COPS4: variants seen among roughly 807,000 people sequenced by gnomAD.
The protein encoded by COPS4 is COP9 signalosome complex subunit 4.
COPS4 carries 8 observed loss-of-function variants against 55.1 expected under a neutral mutation model. That is an observed-to-expected ratio of 0.15 (90% CI 0.09 to 0.26). The LOEUF (loss-of-function observed/expected upper bound fraction) is 0.26. COPS4 is among the 10% of genes least tolerant of loss of function. The probability of loss-of-function intolerance (pLI) is 1.00; values close to 1 mark genes in which losing one functional copy is unlikely to be tolerated. For missense variants in COPS4, 248 were observed against 484.0 expected, an observed-to-expected ratio of 0.51 and a Z score of 4.58; for synonymous variants, 185 against 165.7, an observed-to-expected ratio of 1.12 and a Z score of -0.90.
intron 4 of COPS4, among the ~76,000 whole-genome samples, chr4:83,050,877 A>G (rs1482930040): frequency 6.6e-6 from 1 of 152,102 alleles, no homozygotes; most frequent in Non-Finnish European, 1.5e-5. Flanking sequence ...CAGTGAAATG[A>G]TCTGACTTCT....
intron 4 of COPS4, among the ~76,000 whole-genome samples, chr4:83,055,926 CTTTTTCT>C (rs1731001814): frequency 3.7e-5 from 4 of 108,924 alleles, no homozygotes; most frequent in Admixed American, 1.4e-4. Flanking sequence ...TCTTTTTTTT[CTTTTTCT>C]TTTTTTTTTT....
chr4:83,059,278 T>C (rs920500108), intron 6 of COPS4, among the ~76,000 whole-genome samples: 2 of 152,164 alleles, frequency 1.3e-5, no homozygotes, highest in South Asian at 4.1e-4. Context: ...TATTAATCTT[T>C]CTTTAATGGC....
intron 2 of COPS4, 49 bp downstream of exon 2, chr4:83,045,754 C>A: frequency 2.5e-6 from 3 of 1,211,958 alleles, no homozygotes; most frequent in Non-Finnish European, 3.6e-6. Flanking sequence ...TGAGCTAGGA[C>A]TTTAAAGTTC....
At chr4:83,074,819 T>C (rs1731530899) in intron 9 of COPS4, among the ~76,000 whole-genome samples, 1 of 151,876 alleles carries the variant, frequency 6.6e-6, no homozygotes, top group South Asian at 2.1e-4. Context: ...GTTTTAGACT[T>C]TTAAAAGCTA....
chr4:83,063,003 A>G (rs1286400649), intron 6 of COPS4, 73 bp from the exon 7 acceptor site: 6 of 1,326,858 alleles, frequency 4.5e-6, no homozygotes, highest in Non-Finnish European at 6.1e-6. Context: ...AGGTCATAAG[A>G]TAGGTTTTTT....
intron 1 of COPS4, among the ~76,000 whole-genome samples, chr4:83,038,110 C>T (rs958950623): frequency 6.6e-6 from 1 of 152,324 alleles, no homozygotes; most frequent in East Asian, 1.9e-4. Context: ...AGAGCCACAA[C>T]GGAGGATAGA....
intron 4 of COPS4, among the ~76,000 whole-genome samples, chr4:83,055,325 A>G (rs1267033864): frequency 6.6e-6 from 1 of 152,204 alleles, no homozygotes; most frequent in Non-Finnish European, 1.5e-5. Context: ...GATAATTGCT[A>G]TTAGTATTTT....
intron 1 of COPS4, among the ~76,000 whole-genome samples, chr4:83,043,531 A>AC (rs1355626000): frequency 2.7e-5 from 4 of 149,890 alleles, no homozygotes; most frequent in Non-Finnish European, 5.9e-5. Flanking sequence ...AAAAAAAAAA[A>AC]AAAAAAAAAA....
chr4:83,069,943 T>G (rs1447982193), intron 9 of COPS4, among the ~76,000 whole-genome samples: 1 of 152,168 alleles, frequency 6.6e-6, no homozygotes, highest in Non-Finnish European at 1.5e-5. Flanking sequence ...ATTTTATCCT[T>G]TTTTTCCTAC....
chr4:83,057,981 AAAG>A (rs1731058269), intron 6 of COPS4, among the ~76,000 whole-genome samples: 2 of 151,584 alleles, frequency 1.3e-5, no homozygotes. Context: ...AAATTTCACT[AAAG>A]AAGTGGATAT....
At chr4:83,039,811 T>G (rs1005437259) in intron 1 of COPS4, among the ~76,000 whole-genome samples, 11 of 152,302 alleles carry the variant, frequency 7.2e-5, no homozygotes, top group Admixed American at 7.2e-4. Context: ...TAAAAACATT[T>G]TTTTTGGTAC....
chr4:83,064,869 C>CTTTTTTTTTTTTTTTT (rs140166684), intron 7 of COPS4, among the ~76,000 whole-genome samples: 6 of 73,628 alleles, frequency 8.1e-5, no homozygotes, highest in African/African-American at 2.4e-4. Flanking sequence ...TAAGCAGTCC[C>CTTTTTTTTTTTTTTTT]TTTTTTTTTT....
chr4:83,049,142 AT>A, intron 2 of COPS4, 23 bp from the exon 3 acceptor site: 2 of 1,519,060 alleles, frequency 1.3e-6, no homozygotes, highest in Non-Finnish European at 1.8e-6. Context: ...ATGTTTTCTT[AT>A]CTTTTTTTTT....
chr4:83,051,728 C>T (rs1193917091), intron 4 of COPS4, among the ~76,000 whole-genome samples: 5 of 152,082 alleles, frequency 3.3e-5, no homozygotes, highest in Admixed American at 3.3e-4. Flanking sequence ...ACTAGATATA[C>T]ATATTTGGGA....
chr4:83,074,785 C>T (rs967935012), intron 9 of COPS4, among the ~76,000 whole-genome samples: 25 of 151,866 alleles, frequency 1.6e-4, no homozygotes, highest in African/African-American at 4.8e-4. Context: ...GGGTTACAGG[C>T]GTGAGCCACC....
intron 7 of COPS4, among the ~76,000 whole-genome samples, chr4:83,065,587 T>C (rs1731274669): frequency 6.6e-6 from 1 of 152,208 alleles, no homozygotes; most frequent in South Asian, 2.1e-4. Flanking sequence ...TATGTAAGCA[T>C]TGGGTGAGCC....
chr4:83,043,533 A>C lies in COPS4; in HGVS notation c.75-2093A>C, dbSNP rs1234951656. 2.7e-5 allele frequency among the ~76,000 whole-genome samples: 4 copies of C among 150,056 alleles called. No individual in the cohort carries two copies. The South Asian group carries it at 8.4e-4, about 31-fold the overall frequency. ...GACCCTGTCTCAAAAAAAAAAAAAAAAAAAAAAAAAAAACCATAACAACCA... is the reference window on the plus strand; with the variant it reads ...GACCCTGTCTCAAAAAAAAAAAAAACAAAAAAAAAAAAACCATAACAACCA... On this transcript the variant is annotated intron_variant, in intron 1 of 9. Coordinates refer to ENST00000264389, the MANE Select transcript of COPS4 (RefSeq NM_016129.3).
chr4:83,071,302 A>G lies in COPS4; in HGVS notation c.1087+2780A>G, dbSNP rs147496156. On this transcript the variant is annotated intron_variant, in intron 9 of 9. Coordinates refer to ENST00000264389, the MANE Select transcript of COPS4 (RefSeq NM_016129.3). ...TAAGTGTTGAATAAACAAACACAGC[A>G]TATGATGAGTAATATAGCATTTCCC... Among the ~76,000 whole-genome samples the G allele has an allele frequency of 4.0e-3, 609 of 152,352 alleles. 1 individual carries two copies. Among genetic ancestry groups the G allele is most frequent in the African/African-American group, 0.014 (576 of 41,574 alleles).
intron 1 of COPS4, among the ~76,000 whole-genome samples, chr4:83,039,318 TTC>T (rs1730501969): frequency 6.6e-6 from 1 of 152,184 alleles, no homozygotes; most frequent in Admixed American, 6.5e-5. Flanking sequence ...TCTGAGCCTG[TTC>T]ATGTGACAGC....
Sources: gnomAD v4.1 joint callset for allele counts (sites outside exome capture counted in the v4.1 genomes callset) on GRCh38, gnomAD v4.1.1 for gene constraint, MANE v1.5 for transcripts, NCBI Gene and HGNC (gene_info 2026-07-23, HGNC 2026-07-21) for gene names.